DCC: variants seen among roughly 807,000 people sequenced by gnomAD.
DCC encodes the protein DCC netrin 1 receptor, also known as netrin receptor DCC.
DCC carries 58 observed loss-of-function variants against 172.5 expected under a neutral mutation model. That is an observed-to-expected ratio of 0.34 (90% CI 0.27 to 0.42). The LOEUF (loss-of-function observed/expected upper bound fraction) is 0.42. Ranked by LOEUF, DCC falls within the 10% of genes least tolerant of loss-of-function variation. The pLI, the probability that DCC is intolerant of heterozygous loss-of-function variation, is 1.00. For missense variants in DCC, 1,740 were observed against 1,791.0 expected, an observed-to-expected ratio of 0.97 and a Z score of 0.51; for synonymous variants, 709 against 644.5, an observed-to-expected ratio of 1.10 and a Z score of -1.52.
intron 1 of DCC, among the ~76,000 whole-genome samples, chr18:52,363,013 C>T (rs1030236903): frequency 6.6e-6 from 1 of 151,020 alleles, no homozygotes; most frequent in African/African-American, 2.4e-5. Context: ...ATTACCCTGC[C>T]TCAGCCTCAG....
At position 52,340,459 on chromosome 18, in the gene DCC, CTCAGAG is replaced by C. The variant is rs1983575189; in HGVS notation, c.-328_-323del. ...TGGTTTATTGATGACTTGCGAGCCCCTCAGAGAGCTGTCTTCCCTCCTCTGGCTCCC... is the reference window on the plus strand; with the variant it reads ...TGGTTTATTGATGACTTGCGAGCCCCAGCTGTCTTCCCTCCTCTGGCTCCC... On this transcript the variant is annotated 5_prime_UTR_variant, in exon 1 of 29. Coordinates refer to ENST00000442544, the MANE Select transcript of DCC (RefSeq NM_005215.4). The C allele has an allele frequency of 2.3e-6, 1 of 433,928 alleles. No homozygotes were observed. The highest frequency in any genetic ancestry group is 4.3e-6 in the Non-Finnish European group (1 of 233,354). 26.9% of individuals were successfully genotyped at this position (433,928 alleles called of 1,614,324 possible).
At chr18:52,470,002 G>A (rs1184423462) in intron 1 of DCC, among the ~76,000 whole-genome samples, 2 of 152,218 alleles carry the variant, frequency 1.3e-5, no homozygotes, top group African/African-American at 4.8e-5. Context: ...GCAGAGCTTG[G>A]TCTTATGCTC....
intron 24 of DCC, among the ~76,000 whole-genome samples, chr18:53,467,483 AAATT>A (rs1247226284): frequency 6.6e-6 from 1 of 152,168 alleles, no homozygotes; most frequent in Non-Finnish European, 1.5e-5. Context: ...GAATTCTAGT[AAATT>A]AATATAGTGG....
At chr18:53,200,157 G>A (rs965980209) in intron 9 of DCC, among the ~76,000 whole-genome samples, 8 of 152,098 alleles carry the variant, frequency 5.3e-5, no homozygotes, top group African/African-American at 1.9e-4. Context: ...TGCAAATTAT[G>A]GTACTTACTG....
At chr18:53,212,655 TTTCAA>T (rs2055774787) in intron 11 of DCC, among the ~76,000 whole-genome samples, 1 of 152,052 alleles carries the variant, frequency 6.6e-6, no homozygotes, top group African/African-American at 2.4e-5. Context: ...TTTTATTGCC[TTTCAA>T]TTCTTGTTTT....
intron 12 of DCC, among the ~76,000 whole-genome samples, chr18:53,226,948 A>ATTTTTTTTTTTTTTT (rs397976119): frequency 1.5e-4 from 8 of 52,948 alleles, no homozygotes; most frequent in East Asian, 2.5e-4. Context: ...ATATATATAT[A>ATTTTTTTTTTTTTTT]TTTTTTTTTT....
chr18:52,977,046 C>T (rs961709243), intron 5 of DCC, among the ~76,000 whole-genome samples: 2 of 152,104 alleles, frequency 1.3e-5, no homozygotes, highest in Non-Finnish European at 2.9e-5. Flanking sequence ...AAGTTTCTCC[C>T]TCAAGGTGCT....
At chr18:53,140,917 A>T (rs976784774) in intron 7 of DCC, among the ~76,000 whole-genome samples, 4 of 152,142 alleles carry the variant, frequency 2.6e-5, no homozygotes, top group African/African-American at 9.7e-5. Context: ...ACTTTAGAAG[A>T]GTTTGTTTTA....
rs535588600 is a variant in DCC at position 52,935,407 on chromosome 18, T to C, written c.985+10037T>C. 2.0e-5 allele frequency among the ~76,000 whole-genome samples: 3 copies of C among 152,212 alleles called. No homozygotes were observed. The East Asian group carries it at 5.8e-4, about 29-fold the overall frequency. On this transcript the variant is annotated intron_variant, in intron 5 of 28. Transcript: ENST00000442544. ...AAATATATCATTAACTGTGATGAAA[T>C]TGTATTCTTTTTTAAATCAATTCTC...
chr18:53,181,923 T>C (rs2055204410), intron 9 of DCC, among the ~76,000 whole-genome samples: 1 of 152,252 alleles, frequency 6.6e-6, no homozygotes, highest in African/African-American at 2.4e-5. Flanking sequence ...TAATTTCTTA[T>C]GCCCAGATCA....
intron 21 of DCC, among the ~76,000 whole-genome samples, chr18:53,422,772 C>T (rs9948839): frequency 2.0e-4 from 30 of 152,166 alleles, no homozygotes; most frequent in African/African-American, 7.2e-4. Context: ...GCCAGACTGC[C>T]GTTTGAAAAA....
chr18:53,074,403 T>C (rs1313263226), intron 7 of DCC, among the ~76,000 whole-genome samples: 2 of 152,176 alleles, frequency 1.3e-5, no homozygotes, highest in African/African-American at 2.4e-5. Context: ...CTTAATATTT[T>C]TGAAACATAT....
At chr18:52,466,573 A>C (rs1011392255) in intron 1 of DCC, among the ~76,000 whole-genome samples, 12 of 152,296 alleles carry the variant, frequency 7.9e-5, no homozygotes, top group East Asian at 7.7e-4. Context: ...GCCACATTCT[A>C]TACCTCTCAA....
intron 8 of DCC, among the ~76,000 whole-genome samples, chr18:53,165,991 G>A (rs575256474): frequency 1.3e-5 from 2 of 152,268 alleles, no homozygotes; most frequent in South Asian, 4.1e-4. Context: ...GCAGAGGTCA[G>A]CCAGGTGGGT....
intron 15 of DCC, among the ~76,000 whole-genome samples, chr18:53,366,984 C>G (rs11082981): frequency 0.16 from 24,257 of 152,096 alleles, 2,403 homozygotes; most frequent in African/African-American, 0.27. Context: ...TTTATTTAAG[C>G]TGCTGCATTT....
intron 1 of DCC, among the ~76,000 whole-genome samples, chr18:52,445,293 A>G (rs1988088024): frequency 6.6e-6 from 1 of 152,212 alleles, no homozygotes; most frequent in South Asian, 2.1e-4. Context: ...AGTGGTTACC[A>G]CAGCCTCTGA....
rs541336907 is a variant in DCC at position 53,342,339 on chromosome 18, T to C, written c.2359+2432T>C. On this transcript the variant is annotated intron_variant, in intron 15 of 28. Coordinates refer to ENST00000442544, the MANE Select transcript of DCC (RefSeq NM_005215.4). ...CTATTAAATATTTATAATTAATCTA[T>C]TGACATTTTACTCCTTTTAGTTCAA... 7.2e-5 allele frequency among the ~76,000 whole-genome samples: 11 copies of C among 152,102 alleles called. No homozygotes were observed. The South Asian group carries it at 2.1e-3, about 29-fold the overall frequency.
At chr18:52,707,972 T>C (rs546256268) in intron 1 of DCC, among the ~76,000 whole-genome samples, 1 of 152,178 alleles carries the variant, frequency 6.6e-6, no homozygotes, top group Non-Finnish European at 1.5e-5. Context: ...GTGTATTATA[T>C]AGTTGAAAAT....
At chr18:52,661,158 G>A (rs1038317127) in intron 1 of DCC, among the ~76,000 whole-genome samples, 17 of 152,128 alleles carry the variant, frequency 1.1e-4, no homozygotes, top group Admixed American at 7.2e-4. Flanking sequence ...ACTACAACTC[G>A]CTGCTGAACA....
Sources: allele counts gnomAD v4.1 joint callset (sites outside exome capture counted in the v4.1 genomes callset), GRCh38; gene constraint gnomAD v4.1.1; transcripts MANE v1.5; gene names NCBI Gene and HGNC (gene_info 2026-07-23, HGNC 2026-07-21).